The following KCNAB1 variants were observed in gnomAD, a reference collection of about 807,000 sequenced individuals.
The protein encoded by KCNAB1 is voltage-gated potassium channel subunit beta-1.
Under a neutral mutation model 64.6 loss-of-function variants are expected in KCNAB1, and 35 were observed. That is an observed-to-expected ratio of 0.54 (90% CI 0.41 to 0.72). KCNAB1 has a LOEUF of 0.72. Ranked by LOEUF, KCNAB1 falls within the 30% of genes least tolerant of loss-of-function variation. KCNAB1 has a pLI of 0.00. For missense variants in KCNAB1, 401 were observed against 512.9 expected (o/e 0.78, Z 2.11); for synonymous variants, 177 against 183.8 (o/e 0.96, Z 0.30).
chr3:156,185,550 C>G (rs1037095943), intron 1 of KCNAB1, among the ~76,000 whole-genome samples: 7 of 152,176 alleles, frequency 4.6e-5, no homozygotes, highest in African/African-American at 1.7e-4. Flanking sequence ...CCCAAAGACC[C>G]AGCCTGAGTT....
chr3:156,275,799 T>G (rs1341874985), intron 1 of KCNAB1, among the ~76,000 whole-genome samples: 1 of 152,224 alleles, frequency 6.6e-6, no homozygotes, highest in Non-Finnish European at 1.5e-5. Context: ...TTTTCTTTGC[T>G]ATTTCTACTG....
chr3:156,294,432 T>C (rs558223938), intron 1 of KCNAB1, among the ~76,000 whole-genome samples: 1 of 152,326 alleles, frequency 6.6e-6, no homozygotes, highest in East Asian at 1.9e-4. Context: ...GTGACCTTTA[T>C]GAAGGAGATT....
rs115669201 is a variant in KCNAB1, at chr3:156,522,225, C to T, written c.961-1602C>T. Among the ~76,000 whole-genome samples the T allele has an allele frequency of 6.9e-3, 1,051 of 151,838 alleles. 15 individuals carry two copies. Among genetic ancestry groups the T allele is most frequent in the African/African-American group, 0.024 (991 of 41,394 alleles). ...CAAAAAGCAGTTGGCTATTAGTTTT[C>T]AATCTTTGTTAGTCGGTTTGAATAA... On this transcript the variant is annotated intron_variant, in intron 11 of 13. Coordinates refer to ENST00000490337, the MANE Select transcript of KCNAB1 (RefSeq NM_172160.3).
chr3:156,234,101 C>T (rs755457978), intron 1 of KCNAB1, among the ~76,000 whole-genome samples: 38 of 151,906 alleles, frequency 2.5e-4, no homozygotes, highest in Admixed American at 1.4e-3. Flanking sequence ...TGAGAGTGAG[C>T]GTGGACACAG....
At chr3:156,180,134 T>C (rs1712708318) in intron 1 of KCNAB1, among the ~76,000 whole-genome samples, 1 of 152,214 alleles carries the variant, frequency 6.6e-6, no homozygotes, top group African/African-American at 2.4e-5. Flanking sequence ...CTATAAATGG[T>C]CAAAAGCTGG....
At chr3:156,277,740 A>T (rs527904509) in intron 1 of KCNAB1, among the ~76,000 whole-genome samples, 4 of 152,280 alleles carry the variant, frequency 2.6e-5, no homozygotes, top group Admixed American at 1.3e-4. Context: ...TGCTGATTTC[A>T]TCTCCTTTGG....
chr3:156,293,971 GTACT>G (rs1720624440), intron 1 of KCNAB1, among the ~76,000 whole-genome samples: 1 of 152,242 alleles, frequency 6.6e-6, no homozygotes, highest in Non-Finnish European at 1.5e-5. Context: ...GTGGCCTCTA[GTACT>G]TTCGCAGCAC....
intron 8 of KCNAB1, among the ~76,000 whole-genome samples, chr3:156,495,494 G>C (rs1006984178): frequency 1.1e-4 from 17 of 152,160 alleles, no homozygotes; most frequent in Admixed American, 9.2e-4. Context: ...ACCCACCAGT[G>C]ATAGACTTGA....
At chr3:156,159,071 G>A (rs193095748) in intron 1 of KCNAB1, among the ~76,000 whole-genome samples, 6 of 150,882 alleles carry the variant, frequency 4.0e-5, no homozygotes, top group East Asian at 3.9e-4. Flanking sequence ...ACATATGTCC[G>A]CCCCCCCCTG....
chr3:156,125,311 C>T (rs1713591145), intron 1 of KCNAB1, among the ~76,000 whole-genome samples: 1 of 152,076 alleles, frequency 6.6e-6, no homozygotes, highest in Non-Finnish European at 1.5e-5. Flanking sequence ...CAAAAATCCC[C>T]AACAAAAGTA....
At chr3:156,496,246 G>A (rs572112546) in intron 8 of KCNAB1, among the ~76,000 whole-genome samples, 2 of 152,064 alleles carry the variant, frequency 1.3e-5, no homozygotes, top group Admixed American at 6.5e-5. Context: ...ATACGGTTTG[G>A]CTGTGTCCCC....
At chr3:156,306,323 C>A (rs1235947631) in intron 1 of KCNAB1, among the ~76,000 whole-genome samples, 1 of 152,116 alleles carries the variant, frequency 6.6e-6, no homozygotes, top group Non-Finnish European at 1.5e-5. Context: ...GGCAGCAGGG[C>A]CACTTGAAAT....
At chr3:156,317,537 A>T (rs1177796026) in intron 1 of KCNAB1, among the ~76,000 whole-genome samples, 3 of 151,964 alleles carry the variant, frequency 2.0e-5, no homozygotes, top group Non-Finnish European at 4.4e-5. Context: ...AATAGCTTTG[A>T]TGTTTTGTCT....
chr3:156,248,408 C>A (rs1387836456), intron 1 of KCNAB1, among the ~76,000 whole-genome samples: 1 of 147,544 alleles, frequency 6.8e-6, no homozygotes, highest in Non-Finnish European at 1.5e-5. Context: ...AAGTGCTTTT[C>A]TTTAACTGGC....
intron 1 of KCNAB1, among the ~76,000 whole-genome samples, chr3:156,347,512 G>T (rs1724561517): frequency 6.6e-6 from 1 of 152,180 alleles, no homozygotes; most frequent in Non-Finnish European, 1.5e-5. Flanking sequence ...AATAAGTTTG[G>T]ACTTCTTCAG....
chr3:156,429,762 A>G (rs1180804652), intron 2 of KCNAB1, among the ~76,000 whole-genome samples: 1 of 152,190 alleles, frequency 6.6e-6, no homozygotes, highest in East Asian at 1.9e-4. Flanking sequence ...AATAATAAAT[A>G]TTATGAAGTG....
intron 8 of KCNAB1, among the ~76,000 whole-genome samples, chr3:156,504,506 G>A (rs1023134917): frequency 6.6e-6 from 1 of 151,956 alleles, no homozygotes; most frequent in Non-Finnish European, 1.5e-5. Context: ...CATAATAGCT[G>A]TACTAATATA....
At chr3:156,424,715 C>T (rs1217917957) in intron 2 of KCNAB1, among the ~76,000 whole-genome samples, 4 of 152,078 alleles carry the variant, frequency 2.6e-5, no homozygotes, top group Admixed American at 1.3e-4. Context: ...TTCAGGTGCC[C>T]ATGCAATCCC....
intron 1 of KCNAB1, among the ~76,000 whole-genome samples, chr3:156,277,730 T>G (rs1719427140): frequency 6.6e-6 from 1 of 152,226 alleles, no homozygotes; most frequent in South Asian, 2.1e-4. Flanking sequence ...CTCTTCAAGA[T>G]GCTGATTTCA....
Sources: allele counts gnomAD v4.1 joint callset (sites outside exome capture counted in the v4.1 genomes callset), GRCh38; gene constraint gnomAD v4.1.1; transcripts MANE v1.5; gene names NCBI Gene and HGNC (gene_info 2026-07-23, HGNC 2026-07-21).